TOGARAM1: variants seen among roughly 807,000 people sequenced by gnomAD.
TOGARAM1 encodes TOG array regulator of axonemal microtubules 1.
A neutral mutation model predicts 166.6 loss-of-function variants in TOGARAM1; 100 were observed. The ratio of observed to expected loss-of-function variants is 0.60; its 90% CI spans 0.51 to 0.71. TOGARAM1 has a LOEUF of 0.71. Among genes scored for constraint, TOGARAM1 ranks in the 30% least tolerant of loss-of-function variants. The probability of loss-of-function intolerance (pLI) is 0.00; values close to 1 mark genes in which losing one functional copy is unlikely to be tolerated. For synonymous variants in TOGARAM1, 758 were observed against 763.8 expected, an observed-to-expected ratio of 0.99 and a Z score of 0.13; for missense variants, 2,029 against 2,102.7, an observed-to-expected ratio of 0.96 and a Z score of 0.69.
chr14:44,998,138 A>G (rs1887521231), intron 2 of TOGARAM1, among the ~76,000 whole-genome samples: 1 of 152,230 alleles, frequency 6.6e-6, no homozygotes, highest in Non-Finnish European at 1.5e-5. Flanking sequence ...GAAGTGGCAT[A>G]ATGACTGCAT....
At chr14:45,021,360 A>G (rs1238398036) in intron 7 of TOGARAM1, among the ~76,000 whole-genome samples, 4 of 152,278 alleles carry the variant, frequency 2.6e-5, no homozygotes, top group Admixed American at 1.3e-4. Context: ...TGGGGCATCA[A>G]TATTTCCGGG....
intron 16 of TOGARAM1, 64 bp from the exon 17 acceptor site, chr14:45,066,514 G>GT (rs1883143536): frequency 2.9e-6 from 4 of 1,376,822 alleles, no homozygotes; most frequent in Admixed American, 2.3e-5. Context: ...TTTAAATTAT[G>GT]TTTGTATAAT....
At chr14:45,063,059 G>A (rs1178631886) in intron 16 of TOGARAM1, among the ~76,000 whole-genome samples, 2 of 152,118 alleles carry the variant, frequency 1.3e-5, no homozygotes, top group Non-Finnish European at 2.9e-5. Context: ...GAAATCATAT[G>A]ATATGTGGTC....
chr14:44,994,265 T>C (rs891123218), intron 1 of TOGARAM1, among the ~76,000 whole-genome samples: 6 of 152,074 alleles, frequency 3.9e-5, no homozygotes, highest in Non-Finnish European at 8.8e-5. Context: ...ACTACAGGTG[T>C]AGGCTACCAT....
At chr14:44,972,983 A>G (rs908232033) in intron 1 of TOGARAM1, among the ~76,000 whole-genome samples, 1 of 152,166 alleles carries the variant, frequency 6.6e-6, no homozygotes, top group Non-Finnish European at 1.5e-5. Flanking sequence ...ACTTATCAGT[A>G]ACATTAAGTG....
intron 11 of TOGARAM1, among the ~76,000 whole-genome samples, chr14:45,036,540 A>T (rs1012389818): frequency 2.0e-5 from 3 of 152,266 alleles, no homozygotes; most frequent in Admixed American, 6.5e-5. Flanking sequence ...TATATTTCAA[A>T]GCAAAGAATA....
At chr14:44,978,342 T>C (rs560361251) in intron 1 of TOGARAM1, 1 of 152,368 alleles carries the variant, frequency 6.6e-6, no homozygotes, top group East Asian at 1.9e-4. Flanking sequence ...ATATTATCAT[T>C]TAGTCTTTTT....
intron 2 of TOGARAM1, chr14:44,997,429 AAAAG>A (rs1331003427): frequency 6.6e-6 from 1 of 152,456 alleles, no homozygotes; most frequent in African/African-American, 2.4e-5. Flanking sequence ...AAAAAAAAAA[AAAAG>A]GTGATTGGAT....
At chr14:44,977,325 T>C (rs929162884) in intron 1 of TOGARAM1, among the ~76,000 whole-genome samples, 3 of 150,626 alleles carry the variant, frequency 2.0e-5, no homozygotes, top group African/African-American at 4.9e-5. Flanking sequence ...AGCTCCACCT[T>C]CCGGGTTCAC....
intron 1 of TOGARAM1, among the ~76,000 whole-genome samples, chr14:44,994,609 G>A (rs1314877733): frequency 6.6e-6 from 1 of 152,104 alleles, no homozygotes; most frequent in Non-Finnish European, 1.5e-5. Context: ...TGTAGAGATG[G>A]GATTTCACTA....
chr14:45,039,492 AG>A (rs1427100962), intron 11 of TOGARAM1, among the ~76,000 whole-genome samples: 2 of 152,006 alleles, frequency 1.3e-5, no homozygotes, highest in Non-Finnish European at 2.9e-5. Flanking sequence ...GTTTGTGCTG[AG>A]GGGTGCCTGC....
intron 8 of TOGARAM1, 121 bp from the exon 9 acceptor site, chr14:45,027,178 A>T (rs1566645483): frequency 2.3e-6 from 2 of 877,662 alleles, no homozygotes; most frequent in Non-Finnish European, 3.6e-6. Flanking sequence ...ATTATTTAGC[A>T]TGTTTTTCTT....
rs1206185225 is a variant in TOGARAM1 at position 45,071,759 on chromosome 14, A to G, written c.5017A>G (p.Asn1673Asp). 6.2e-7 allele frequency: 1 copy of G among 1,612,258 alleles called. No individual in the cohort carries two copies. The highest frequency in any genetic ancestry group is 8.5e-7 in the Non-Finnish European group (1 of 1,179,502). ...QPFCTKAQFL[N>D]GKAKQDMTEK... is the part of the protein sequence containing the mutation. ...ATTTTGCACAAAAGCTCAGTTTTTA[A>G]ATGGAAAAGCAAAACAGGACATGAC... The change falls in exon 19 of 20, where the codon AAT becomes GAT. Residue 1673 changes from asparagine (N) to aspartate (D), a missense_variant. Coordinates refer to ENST00000361462, the MANE Select transcript of TOGARAM1 (RefSeq NM_001308120.2).
chr14:45,058,754 T>C (rs1882767463), intron 16 of TOGARAM1, among the ~76,000 whole-genome samples: 1 of 152,204 alleles, frequency 6.6e-6, no homozygotes, highest in Non-Finnish European at 1.5e-5. Context: ...AGGTTAATAT[T>C]GATATGTGAG....
chr14:45,044,969 G>C (rs1881916608), intron 13 of TOGARAM1, 99 bp downstream of exon 13: 4 of 780,200 alleles, frequency 5.1e-6, no homozygotes, highest in Non-Finnish European at 7.9e-6. Flanking sequence ...TAGTATATCA[G>C]TCAAAAAACA....
chr14:45,008,882 T>C (rs749990221), intron 5 of TOGARAM1, 31 bp from the exon 6 acceptor site: 3 of 1,541,210 alleles, frequency 1.9e-6, no homozygotes, highest in Non-Finnish European at 2.6e-6. Context: ...GAATTTATGT[T>C]ATAAAGTTTA....
At chr14:45,027,519 A>T in intron 9 of TOGARAM1, 45 bp downstream of exon 9, 1 of 1,476,696 alleles carries the variant, frequency 6.8e-7, no homozygotes, top group Middle Eastern at 1.8e-4. Flanking sequence ...AGCTTACAGT[A>T]TGTCATTGTT....
intron 4 of TOGARAM1, 69 bp from the exon 5 acceptor site, chr14:45,005,939 C>G: frequency 1.5e-6 from 2 of 1,368,384 alleles, no homozygotes; most frequent in East Asian, 2.4e-5. Flanking sequence ...ATTTTAAGCA[C>G]TTGTGACTAT....
At chr14:44,973,588 C>CTA (rs1303258063) in intron 1 of TOGARAM1, among the ~76,000 whole-genome samples, 30 of 143,986 alleles carry the variant, frequency 2.1e-4, no homozygotes, top group African/African-American at 7.4e-4. Flanking sequence ...TTCTCTCTCT[C>CTA]TCTCTCTCTA....
Sources: gnomAD v4.1 joint callset for allele counts (sites outside exome capture counted in the v4.1 genomes callset) on GRCh38, gnomAD v4.1.1 for gene constraint, MANE v1.5 for transcripts, NCBI Gene and HGNC (gene_info 2026-07-23, HGNC 2026-07-21) for gene names.